Variants in CSNK2B observed in about 807,000 individuals in gnomAD.
The protein encoded by CSNK2B is casein kinase II subunit beta.
Under a neutral mutation model 28.8 loss-of-function variants are expected in CSNK2B, and 2 were observed. That is an observed-to-expected ratio of 0.07 (90% CI 0.03 to 0.22). The LOEUF (loss-of-function observed/expected upper bound fraction) is 0.22. Ranked by LOEUF, CSNK2B falls within the 10% of genes least tolerant of loss-of-function variation. The pLI, the probability that CSNK2B is intolerant of heterozygous loss-of-function variation, is 1.00. For synonymous variants in CSNK2B, 89 were observed against 96.1 expected (o/e 0.93, Z 0.43); for missense variants, 107 against 277.9 (o/e 0.39, Z 4.37).
chr6:31,668,199 C>T (rs1750290212), intron 3 of CSNK2B: 1 of 616,798 alleles, frequency 1.6e-6, no homozygotes, highest in African/African-American at 1.8e-5. Context: ...AAATGCGTTT[C>T]CTCATGGGTC....
At chr6:31,668,054 AT>A in intron 3 of CSNK2B, 84 bp downstream of exon 3, 1 of 940,416 alleles carries the variant, frequency 1.1e-6, no homozygotes, top group Non-Finnish European at 1.7e-6. Flanking sequence ...GAATTTTGAA[AT>A]TTCCTTTGGT....
chr6:31,668,000 T>C, intron 3 of CSNK2B, 30 bp downstream of exon 3: 1 of 1,396,848 alleles, frequency 7.2e-7, no homozygotes, highest in Non-Finnish European at 1.0e-6. Context: ...GTTTTGTGTG[T>C]GTGCGTGCAC....
Position 31,666,225 on chromosome 6 carries a change from C to T in CSNK2B, c.-12+17C>T. The T allele has an allele frequency of 1.0e-6, 1 of 986,620 alleles. No individual in the cohort carries two copies. Among genetic ancestry groups the T allele is most frequent in the Non-Finnish European group, 1.2e-6 (1 of 828,424 alleles). 61.1% of individuals were successfully genotyped at this position (986,620 alleles called of 1,614,324 possible). On this transcript the variant is annotated intron_variant, in intron 1 of 6. Transcript: ENST00000375882. Reference sequence around the variant, plus strand: ...GTCCAGCCGGTGAGTCTGAAGTCGTCGCTGCTCCGAGTCCCTTGTCGCTGG... The same window carrying T: ...GTCCAGCCGGTGAGTCTGAAGTCGTTGCTGCTCCGAGTCCCTTGTCGCTGG...
At chr6:31,668,720 A>G (rs1801969703) in intron 4 of CSNK2B, 66 bp downstream of exon 4, 1 of 1,446,144 alleles carries the variant, frequency 6.9e-7, no homozygotes, top group East Asian at 2.3e-5. Context: ...CTGCAGCAAG[A>G]AGTCATGTTT....
chr6:31,668,867 G>T, intron 4 of CSNK2B: 1 of 612,672 alleles, frequency 1.6e-6, no homozygotes, highest in Non-Finnish European at 2.9e-6. Context: ...AGAGAGTTGT[G>T]ATAGACTGCC....
chr6:31,666,923 C>G lies in CSNK2B; in HGVS notation c.72+20C>G. On this transcript the variant is annotated intron_variant, in intron 2 of 6. Transcript: ENST00000375882. ...TGTGAAGTGAGTTCTCTTCAACCTC[C>G]CTACTTGCCAGCTTCACATATCTTC... 6.3e-7 allele frequency: 1 copy of G among 1,593,918 alleles called. No individual in the cohort carries two copies. Among genetic ancestry groups the G allele is most frequent in the Non-Finnish European group, 8.6e-7 (1 of 1,161,652 alleles).
In CSNK2B at chr6:31,667,110, T is replaced by C. The variant is rs1423737428; in HGVS notation, c.72+207T>C. The C allele has an allele frequency of 5.7e-6, 4 of 699,560 alleles. No homozygotes were observed. In the Admixed American group the frequency reaches 8.0e-5, roughly 14 times the overall value. 43.3% of individuals were successfully genotyped at this position (699,560 alleles called of 1,614,324 possible). On this transcript the variant is annotated intron_variant, in intron 2 of 6. Transcript: ENST00000375882. ...CTGAGTCTGCCACCGTCCAGCAATA[T>C]AACGTTGGGCTAGTCAATTTGTGTC...
At chr6:31,668,331 GA>G in intron 3 of CSNK2B, 2 of 603,998 alleles carry the variant, frequency 3.3e-6, no homozygotes, top group Non-Finnish European at 5.9e-6. Context: ...AGCAGAGGCT[GA>G]AAAGGTGTGA....
Position 31,669,426 on chromosome 6 carries a change from T to C in CSNK2B, c.475T>C (p.Phe159Leu). Residue 159 changes from phenylalanine (F) to leucine (L), a missense_variant, in exon 6 of 7, where the codon TTC (phenylalanine) becomes CTC (leucine). By Grantham distance (22) the Phe-to-Leu change is conservative (BLOSUM62 0). Transcript: ENST00000375882. The surrounding 1 kb of genome is among the most constrained non-coding windows in gnomAD (Gnocchi z 4.8). Reference sequence around the variant, plus strand: ...ACACCATCACACGGATGGCGCCTACTTCGGCACTGGTTTCCCTCACATGCT... The same window carrying C: ...ACACCATCACACGGATGGCGCCTACCTCGGCACTGGTTTCCCTCACATGCT... The part of the protein sequence containing the change: ...SRHHHTDGAY[F>L]GTGFPHMLFM... 1 of 1,614,112 alleles carries C rather than the reference T, an allele frequency of 6.2e-7. No individual in the cohort carries two copies. Among genetic ancestry groups the C allele is most frequent in the Non-Finnish European group, 8.5e-7 (1 of 1,180,032 alleles).
chr6:31,668,699 G>A lies in CSNK2B; in HGVS notation c.291+45G>A, dbSNP rs561265100. 22 of 1,536,552 alleles carry A rather than the reference G, an allele frequency of 1.4e-5. No homozygotes were observed. In the African/African-American group the frequency reaches 2.7e-4, roughly 19 times the overall value. ...ACCTGCCTCCTTCTGAGCAGTAAGA[G>A]ACACAGGTTCCTGCAGCAAGAAGTC... On this transcript the variant is annotated intron_variant, in intron 4 of 6. Coordinates refer to ENST00000375882, the MANE Select transcript of CSNK2B (RefSeq NM_001320.7).
intron 2 of CSNK2B, chr6:31,667,129 T>C: frequency 1.4e-6 from 1 of 692,234 alleles, no homozygotes; most frequent in Non-Finnish European, 2.6e-6. Flanking sequence ...GCTAGTCAAT[T>C]TGTGTCTTTT....
chr6:31,669,940 C>T lies in CSNK2B; in HGVS notation c.*14C>T, dbSNP rs749784323. 2 of 1,609,944 alleles carry T rather than the reference C, an allele frequency of 1.2e-6. No individual in the cohort carries two copies. The highest frequency in any genetic ancestry group is 1.7e-6 in the Non-Finnish European group (2 of 1,178,266). On this transcript the variant is annotated 3_prime_UTR_variant, in exon 7 of 7. Transcript: ENST00000375882. The surrounding 1 kb of genome is among the most constrained non-coding windows in gnomAD (Gnocchi z 4.8). The stretch of plus-strand genomic sequence containing the variant: ...ACGATTCGCTGATTCCCTCCCCCAC[C>T]TGTCCTGCAGTCTTTGACTTTTCCT...
At chr6:31,668,367 T>C in intron 3 of CSNK2B, 172 bp from the exon 4 acceptor site, 1 of 618,212 alleles carries the variant, frequency 1.6e-6, no homozygotes, top group Non-Finnish European at 2.9e-6. Context: ...TGTCTTCGTT[T>C]GATGCAAGGG....
rs1562045293 is a variant in CSNK2B at position 31,666,852 on chromosome 6, G to A, written c.21G>A (p.Val7=). MSSSEE[V]SWISWFCGLR... Reference sequence around the variant, plus strand: ...TGAAGATGAGCAGCTCAGAGGAGGTGTCCTGGATTTCCTGGTTCTGTGGGC... The same window carrying A: ...TGAAGATGAGCAGCTCAGAGGAGGTATCCTGGATTTCCTGGTTCTGTGGGC... The change falls in exon 2 of 7, where the codon GTG becomes GTA. Residue 7 remains valine, a synonymous_variant. Transcript: ENST00000375882. The A allele has an allele frequency of 6.2e-7, 1 of 1,614,122 alleles. No homozygotes were observed. Among genetic ancestry groups the A allele is most frequent in the Non-Finnish European group, 8.5e-7 (1 of 1,179,990 alleles).
In CSNK2B at chr6:31,669,963, C is replaced by T. The variant is rs1430254374; in HGVS notation, c.*37C>T. 1 of 1,569,942 alleles carries T rather than the reference C, an allele frequency of 6.4e-7. No homozygotes were observed. The highest frequency in any genetic ancestry group is 1.4e-5 in the African/African-American group (1 of 73,326). ...ACCTGTCCTGCAGTCTTTGACTTTTCCTTTCTTTTTTGCCACCCTTTCAGG... is the reference window on the plus strand; with the variant it reads ...ACCTGTCCTGCAGTCTTTGACTTTTTCTTTCTTTTTTGCCACCCTTTCAGG... On this transcript the variant is annotated 3_prime_UTR_variant, in exon 7 of 7. Coordinates refer to ENST00000375882, the MANE Select transcript of CSNK2B (RefSeq NM_001320.7). This position sits in a 1 kb window ranked among gnomAD's most constrained non-coding sequence, Gnocchi z 4.8.
At position 31,666,803 on chromosome 6, in the gene CSNK2B, A is replaced by G. The variant is rs1435550262; in HGVS notation, c.-11-18A>G. 6.2e-7 allele frequency: 1 copy of G among 1,604,570 alleles called. No homozygotes were observed. The highest frequency in any genetic ancestry group is 1.1e-5 in the South Asian group (1 of 90,612). On this transcript the variant is annotated intron_variant, in intron 1 of 6. Transcript: ENST00000375882. ...GGGAAGGAGAACTTGAGCTTTACTGACACTGTTCTTTTTCTAGCTGACGTG... is the reference window on the plus strand; with the variant it reads ...GGGAAGGAGAACTTGAGCTTTACTGGCACTGTTCTTTTTCTAGCTGACGTG...
rs377167612 is a variant in CSNK2B, at chr6:31,668,203, A to T, written c.175+233A>T. ...GACCTATTCCAAAATGCGTTTCCTC[A>T]TGGGTCTGGTTTGTTGTCTGTTTCT... On this transcript the variant is annotated intron_variant, in intron 3 of 6. Transcript: ENST00000375882. 1.7e-4 allele frequency: 103 copies of T among 614,712 alleles called. 3 individuals are homozygous for T. In the South Asian group the frequency reaches 2.0e-3, roughly 12 times the overall value. The allele number at this position is 614,712 out of a possible 1,614,324, so 38.1% of individuals were successfully genotyped here. A position where few individuals can be genotyped will look rare whatever the true frequency, so the allele number is the denominator to read the frequency against.
rs2151179819 is a variant in CSNK2B, at chr6:31,666,123, C to T, written c.-97C>T. ...CCCACTTCGCCTGCCGCGGTCGGGTCCGCGGCCTGCGCTGTAGCGGTCGCC... is the reference window on the plus strand; with the variant it reads ...CCCACTTCGCCTGCCGCGGTCGGGTTCGCGGCCTGCGCTGTAGCGGTCGCC... On this transcript the variant is annotated 5_prime_UTR_variant, in exon 1 of 7. Coordinates refer to ENST00000375882, the MANE Select transcript of CSNK2B (RefSeq NM_001320.7). 1.0e-6 allele frequency: 1 copy of T among 994,698 alleles called. No homozygotes were observed. Among genetic ancestry groups the T allele is most frequent in the East Asian group, 1.1e-4 (1 of 9,284 alleles). 61.6% of individuals were successfully genotyped at this position (994,698 alleles called of 1,614,324 possible).
Position 31,670,066 on chromosome 6 carries a change from C to T in CSNK2B, c.*140C>T. On this transcript the variant is annotated 3_prime_UTR_variant, in exon 7 of 7. Transcript: ENST00000375882. ...TATGAAATAAAGTAGAAGAAAAGGC[C>T]ATGAGCTAGTCTGCTGGTGCTTGCT... 2 of 733,508 alleles carry T rather than the reference C, an allele frequency of 2.7e-6. No individual in the cohort carries two copies. The highest frequency in any genetic ancestry group is 4.3e-6 in the Non-Finnish European group (2 of 464,270). The allele number at this position is 733,508 out of a possible 1,614,324, so 45.4% of individuals were successfully genotyped here.
Sources: allele counts gnomAD v4.1 joint callset, GRCh38; gene constraint gnomAD v4.1.1; non-coding constraint Gnocchi (gnomAD v3.1); transcripts MANE v1.5; gene names NCBI Gene and HGNC (gene_info 2026-07-23, HGNC 2026-07-21).